Variants in FSHR observed in about 807,000 individuals in gnomAD.
FSHR encodes follicle-stimulating hormone receptor.
In FSHR, 46 loss-of-function variants were observed where a neutral mutation model predicts 52.1. The ratio of observed to expected loss-of-function variants is 0.88; its 90% CI spans 0.70 to 1.13. The LOEUF (loss-of-function observed/expected upper bound fraction) is 1.13. Among genes scored for constraint, FSHR ranks in the 50% most tolerant of loss-of-function variants. The probability of loss-of-function intolerance (pLI) is 0.00; values close to 1 mark genes in which losing one functional copy is unlikely to be tolerated. For synonymous variants in FSHR, 399 were observed against 309.6 expected (o/e 1.29, Z -3.03); for missense variants, 964 against 834.6 (o/e 1.16, Z -1.91).
intron 2 of FSHR, among the ~76,000 whole-genome samples, chr2:49,023,388 G>T (rs1261326940): frequency 1.3e-5 from 2 of 152,278 alleles, no homozygotes; most frequent in East Asian, 1.9e-4. Flanking sequence ...CTAAGGAAAA[G>T]AAATCTTCAG....
intron 2 of FSHR, among the ~76,000 whole-genome samples, chr2:49,036,028 C>G (rs1433170067): frequency 6.6e-6 from 1 of 152,174 alleles, no homozygotes; most frequent in Non-Finnish European, 1.5e-5. Flanking sequence ...TTCTCAAACC[C>G]ATGATCGATA....
At chr2:49,005,384 CT>C (rs760018316) in intron 4 of FSHR, among the ~76,000 whole-genome samples, 2 of 152,108 alleles carry the variant, frequency 1.3e-5, no homozygotes, top group Non-Finnish European at 2.9e-5. Flanking sequence ...AGGCAGATTA[CT>C]GATAAAAAAA....
chr2:49,149,649 T>G (rs1672992799), intron 1 of FSHR, among the ~76,000 whole-genome samples: 1 of 152,042 alleles, frequency 6.6e-6, no homozygotes, highest in Non-Finnish European at 1.5e-5. Flanking sequence ...GATTGATACA[T>G]CCCTCTGAAC....
intron 1 of FSHR, among the ~76,000 whole-genome samples, chr2:49,098,104 T>C (rs1159894): frequency 0.19 from 29,556 of 152,086 alleles, 3,094 homozygotes; most frequent in South Asian, 0.26. Context: ...TTTATTTTAG[T>C]TTAAGTGTGC....
chr2:49,147,770 C>A (rs900432863), intron 1 of FSHR, among the ~76,000 whole-genome samples: 2 of 151,758 alleles, frequency 1.3e-5, no homozygotes, highest in African/African-American at 4.8e-5. Flanking sequence ...AACCTCCCTT[C>A]CCCCAGCCCA....
At chr2:49,035,174 C>T (rs887433506) in intron 2 of FSHR, among the ~76,000 whole-genome samples, 3 of 152,154 alleles carry the variant, frequency 2.0e-5, no homozygotes, top group Non-Finnish European at 4.4e-5. Flanking sequence ...AAACCATGTT[C>T]TTTATTGCTG....
chr2:49,062,953 A>G (rs1202038108), intron 2 of FSHR, among the ~76,000 whole-genome samples: 1 of 152,152 alleles, frequency 6.6e-6, no homozygotes, highest in Non-Finnish European at 1.5e-5. Flanking sequence ...GGATGTAGAG[A>G]TAGGGGAACT....
intron 2 of FSHR, among the ~76,000 whole-genome samples, chr2:49,044,889 C>G (rs1451538891): frequency 6.6e-6 from 1 of 152,032 alleles, no homozygotes; most frequent in Admixed American, 6.6e-5. Flanking sequence ...CTCAATTAGC[C>G]CAGATGAGCC....
intron 1 of FSHR, among the ~76,000 whole-genome samples, chr2:49,143,273 G>C (rs1558465508): frequency 6.6e-6 from 1 of 152,150 alleles, no homozygotes; most frequent in African/African-American, 2.4e-5. Context: ...AGTCAAAAAA[G>C]GAACATGTGT....
intron 8 of FSHR, among the ~76,000 whole-genome samples, chr2:48,969,610 A>G (rs187965330): frequency 6.6e-6 from 1 of 152,364 alleles, no homozygotes; most frequent in East Asian, 1.9e-4. Flanking sequence ...TAAAGTGCAT[A>G]AAGAACTTCC....
At chr2:49,131,105 A>G (rs2103810844) in intron 1 of FSHR, among the ~76,000 whole-genome samples, 1 of 152,316 alleles carries the variant, frequency 6.6e-6, no homozygotes, top group Non-Finnish European at 1.5e-5. Flanking sequence ...TGGACTGCTC[A>G]CCTTAAATGA....
intron 1 of FSHR, among the ~76,000 whole-genome samples, chr2:49,129,187 G>A (rs1672174194): frequency 6.6e-6 from 1 of 151,734 alleles, no homozygotes; most frequent in African/African-American, 2.4e-5. Flanking sequence ...CCACTGAATT[G>A]CTCATGTCAC....
chr2:49,113,305 G>A (rs1671488246), intron 1 of FSHR, among the ~76,000 whole-genome samples: 1 of 152,194 alleles, frequency 6.6e-6, no homozygotes, highest in Admixed American at 6.6e-5. Context: ...ATGGCTGTAT[G>A]CAGCTCTGTG....
At position 48,985,325 on chromosome 2, in the gene FSHR, G is replaced by T. The variant is rs527957782; in HGVS notation, c.525-2159C>A. On this transcript the variant is annotated intron_variant, in intron 6 of 9. Transcript: ENST00000406846. The stretch of plus-strand genomic sequence containing the variant: ...GACTTGGCCCTTTAAAACTCATTGA[G>T]GGGCAGGCAAGGGAGACGGGCAGAC... Among the ~76,000 whole-genome samples, 94 of 152,298 alleles carry T rather than the reference G, an allele frequency of 6.2e-4. 2 individuals are homozygous for T. In the South Asian group the frequency reaches 0.017, roughly 28 times the overall value.
At chr2:48,982,862 A>T in intron 8 of FSHR, 50 bp downstream of exon 8, 1 of 1,482,922 alleles carries the variant, frequency 6.7e-7, no homozygotes, top group Non-Finnish European at 9.4e-7. Context: ...GTTGACTTCT[A>T]ACTTACACAA....
intron 4 of FSHR, chr2:49,015,012 G>A (rs953387941): frequency 1.7e-5 from 7 of 405,014 alleles, no homozygotes; most frequent in Non-Finnish European, 3.4e-5. Context: ...TGGGTAACAG[G>A]CACTAATAAT....
At chr2:49,098,598 G>A (rs1261796962) in intron 1 of FSHR, among the ~76,000 whole-genome samples, 1 of 151,704 alleles carries the variant, frequency 6.6e-6, no homozygotes, top group Non-Finnish European at 1.5e-5. Context: ...CCAGGTTACA[G>A]AGATTTGATC....
At chr2:49,141,502 CACTG>C (rs1002514715) in intron 1 of FSHR, among the ~76,000 whole-genome samples, 7 of 151,954 alleles carry the variant, frequency 4.6e-5, no homozygotes, top group Non-Finnish European at 7.4e-5. Flanking sequence ...CACGGGAAGT[CACTG>C]ACTATCAAGA....
At chr2:49,133,623 C>A (rs1394359269) in intron 1 of FSHR, among the ~76,000 whole-genome samples, 2 of 152,076 alleles carry the variant, frequency 1.3e-5, no homozygotes, top group Non-Finnish European at 2.9e-5. Context: ...CAATCCTAAG[C>A]AAAAGGAACA....
Sources: allele counts gnomAD v4.1 joint callset (sites outside exome capture counted in the v4.1 genomes callset), GRCh38; gene constraint gnomAD v4.1.1; transcripts MANE v1.5; gene names NCBI Gene and HGNC (gene_info 2026-07-23, HGNC 2026-07-21).